The following LRTM1 variants were observed in gnomAD, a reference collection of about 807,000 sequenced individuals.
LRTM1 encodes leucine rich repeat transmembrane protein 1.
LRTM1 carries 38 observed loss-of-function variants against 32.4 expected under a neutral mutation model. The ratio of observed to expected loss-of-function variants is 1.17; its 90% CI spans 0.91 to 1.54. The LOEUF is 1.54. Ranked by LOEUF, LRTM1 falls within the 40% of genes most tolerant of loss-of-function variation. The pLI is 0.00. For synonymous variants in LRTM1, 186 were observed against 169.9 expected, an observed-to-expected ratio of 1.09 and a Z score of -0.74; for missense variants, 466 against 415.4, an observed-to-expected ratio of 1.12 and a Z score of -1.06.
At chr3:54,920,951 G>A (rs757070455) in intron 2 of LRTM1, among the ~76,000 whole-genome samples, 11 of 152,262 alleles carry the variant, frequency 7.2e-5, no homozygotes, top group Non-Finnish European at 1.2e-4. Flanking sequence ...TGGAGCCTGG[G>A]ACATAGCTGG....
At chr3:54,963,899 G>A (rs1702087456) in intron 1 of LRTM1, among the ~76,000 whole-genome samples, 1 of 152,242 alleles carries the variant, frequency 6.6e-6, no homozygotes, top group Non-Finnish European at 1.5e-5. Context: ...GTTGGGAAAA[G>A]AGGAAGTCTG....
intron 2 of LRTM1, among the ~76,000 whole-genome samples, chr3:54,924,288 G>T (rs1450421226): frequency 6.6e-6 from 1 of 152,206 alleles, no homozygotes; most frequent in African/African-American, 2.4e-5. Context: ...AGAGGTTGGT[G>T]TTATTTGGGG....
chr3:54,965,118 A>G (rs1033382014), intron 1 of LRTM1, among the ~76,000 whole-genome samples: 2 of 152,248 alleles, frequency 1.3e-5, no homozygotes, highest in African/African-American at 4.8e-5. Flanking sequence ...AATCTCAGTT[A>G]AAACTACTCA....
chr3:54,928,112 A>C, upstream of LRTM1: 1 of 564,428 alleles, frequency 1.8e-6, no homozygotes. Context: ...CCTTGTCTCC[A>C]TCTGGCTGGG....
chr3:54,961,951 C>G (rs1702038558), intron 1 of LRTM1, among the ~76,000 whole-genome samples: 1 of 152,070 alleles, frequency 6.6e-6, no homozygotes, highest in Non-Finnish European at 1.5e-5. Flanking sequence ...TCTGCAGAGT[C>G]CCAGGGAGGC....
chr3:54,953,388 A>G (rs78126995), intron 1 of LRTM1, among the ~76,000 whole-genome samples: 40 of 152,254 alleles, frequency 2.6e-4, no homozygotes, highest in African/African-American at 9.4e-4. Flanking sequence ...GGGCCCGGTA[A>G]CACTACGGCT....
upstream of LRTM1, among the ~76,000 whole-genome samples, chr3:54,930,566 C>G (rs946826121): frequency 2.6e-5 from 4 of 152,184 alleles, no homozygotes; most frequent in Non-Finnish European, 5.9e-5. Flanking sequence ...TGTTGGAGGT[C>G]AAGACCCTGG....
Position 54,925,047 on chromosome 3 carries a change from T to G in LRTM1, c.176A>C (p.Asp59Ala). Reference sequence around the variant, plus strand: ...AGCAGGAAGATGGTGTATCTGATTATCTTGTAAATGCAGCGTTCGAGTCTG... The same window carrying G: ...AGCAGGAAGATGGTGTATCTGATTAGCTTGTAAATGCAGCGTTCGAGTCTG... ...PPQTRTLHLQDNQIHHLPAFA... is the reference protein window; with the variant it reads ...PPQTRTLHLQANQIHHLPAFA... Residue 59 changes from aspartate to alanine, a missense_variant, in exon 2 of 3, where the codon GAT (aspartate) becomes GCT (alanine). Physicochemically the swap from Asp to Ala is moderately radical, Grantham distance 126. Coordinates refer to ENST00000273286, the MANE Select transcript of LRTM1 (RefSeq NM_020678.4). 1 of 1,614,152 alleles carries G rather than the reference T, an allele frequency of 6.2e-7. No individual in the cohort carries two copies. Among genetic ancestry groups the G allele is most frequent in the Non-Finnish European group, 8.5e-7 (1 of 1,180,022 alleles).
At chr3:54,943,555 G>A (rs1701531714) in intron 1 of LRTM1, among the ~76,000 whole-genome samples, 1 of 152,058 alleles carries the variant, frequency 6.6e-6, no homozygotes, top group Admixed American at 6.6e-5. Flanking sequence ...TAATAGCATG[G>A]TATGTGTTTT....
intron 1 of LRTM1, among the ~76,000 whole-genome samples, chr3:54,956,698 A>G (rs1002908730): frequency 1.2e-4 from 18 of 152,266 alleles, no homozygotes; most frequent in African/African-American, 3.9e-4. Context: ...TCTTAAGGTA[A>G]TGGCCTAATC....
At chr3:54,949,002 A>C (rs1188446396) in intron 1 of LRTM1, among the ~76,000 whole-genome samples, 1 of 152,176 alleles carries the variant, frequency 6.6e-6, no homozygotes. Context: ...GCTCAGCTGA[A>C]ATCACCAAGT....
chr3:54,929,881 C>G (rs1701142392), upstream of LRTM1, among the ~76,000 whole-genome samples: 1 of 152,158 alleles, frequency 6.6e-6, no homozygotes, highest in African/African-American at 2.4e-5. Flanking sequence ...TTTATCATAA[C>G]ACAACAAACA....
At chr3:54,922,730 C>T (rs971194087) in intron 2 of LRTM1, among the ~76,000 whole-genome samples, 2 of 152,076 alleles carry the variant, frequency 1.3e-5, no homozygotes, top group Non-Finnish European at 2.9e-5. Flanking sequence ...TCCAACTCAA[C>T]GACTCCCCAT....
intron 2 of LRTM1, among the ~76,000 whole-genome samples, chr3:54,920,630 C>T (rs1292040406): frequency 6.6e-6 from 1 of 152,090 alleles, no homozygotes; most frequent in African/African-American, 2.4e-5. Flanking sequence ...TGCACCTGAC[C>T]ATAGGAGCCT....
chr3:54,941,787 G>T (rs1260340252), intron 1 of LRTM1, among the ~76,000 whole-genome samples: 1 of 152,178 alleles, frequency 6.6e-6, no homozygotes, highest in Admixed American at 6.5e-5. Flanking sequence ...TAAGTCAAAG[G>T]CTAGGGTGAG....
chr3:54,945,573 A>G (rs758952706), intron 1 of LRTM1, among the ~76,000 whole-genome samples: 13 of 152,274 alleles, frequency 8.5e-5, no homozygotes, highest in Non-Finnish European at 1.3e-4. Flanking sequence ...TATTAGCACC[A>G]TAACCTGGGG....
chr3:54,939,459 C>A (rs1575392797), intron 1 of LRTM1, among the ~76,000 whole-genome samples: 1 of 152,178 alleles, frequency 6.6e-6, no homozygotes, highest in African/African-American at 2.4e-5. Context: ...AAAAGAAGGG[C>A]CAAGACATTC....
intron 1 of LRTM1, among the ~76,000 whole-genome samples, chr3:54,948,179 C>G (rs1701663759): frequency 6.6e-6 from 1 of 152,134 alleles, no homozygotes; most frequent in South Asian, 2.1e-4. Context: ...CTCACTTTCC[C>G]CTGGTTGTCT....
At chr3:54,963,215 A>C (rs1702071494) in intron 1 of LRTM1, among the ~76,000 whole-genome samples, 1 of 152,184 alleles carries the variant, frequency 6.6e-6, no homozygotes, top group Non-Finnish European at 1.5e-5. Context: ...TCACGCTGGC[A>C]GTCCTGTCTG....
Sources: allele counts gnomAD v4.1 joint callset (sites outside exome capture counted in the v4.1 genomes callset), GRCh38; gene constraint gnomAD v4.1.1; transcripts MANE v1.5; gene names NCBI Gene and HGNC (gene_info 2026-07-23, HGNC 2026-07-21).